Variants in MEGF6 observed in about 807,000 individuals in gnomAD.
MEGF6 encodes the protein multiple epidermal growth factor-like domains protein 6.
Under a neutral mutation model 207.1 loss-of-function variants are expected in MEGF6, and 184 were observed. The ratio of observed to expected loss-of-function variants is 0.89; its 90% CI spans 0.79 to 1.00. MEGF6 has a LOEUF of 1.00. Among genes scored for constraint, MEGF6 ranks in the 50% least tolerant of loss-of-function variants. MEGF6 has a pLI of 0.00. For synonymous variants in MEGF6, 1,038 were observed against 910.0 expected (o/e 1.14, Z -2.53); for missense variants, 2,282 against 2,202.9 (o/e 1.04, Z -0.72).
intron 2 of MEGF6, among the ~76,000 whole-genome samples, chr1:3,601,317 G>C (rs541959650): frequency 6.6e-6 from 1 of 152,374 alleles, no homozygotes; most frequent in East Asian, 1.9e-4. Flanking sequence ...TTCCCGCAGG[G>C]AAATCCACCT....
In MEGF6 at chr1:3,494,092, G is replaced by A. The variant is rs770264492; in HGVS notation, c.4162C>T (p.Gln1388Ter). ...CPPGFHGAGC[Q>*]GLCWCQHGAP... ...CCATGTTGACACCAGCACAACCCCT[G>A]GCAGCCAGCCCCGTGGAAGCCAGGG... is the stretch of plus-strand genomic sequence containing the variant. The change falls in exon 33 of 37, where the codon CAG (glutamine) becomes TAG (stop). Residue 1388 changes from glutamine (Q) to a stop codon, truncating the protein, a stop_gained. Transcript: ENST00000356575. LOFTEE classifies it high-confidence loss of function. 1.3e-6 allele frequency: 2 copies of A among 1,589,048 alleles called. No individual in the cohort carries two copies. The highest frequency in any genetic ancestry group is 2.3e-5 in the South Asian group (2 of 87,996).
At chr1:3,496,402 C>T (rs1161275537) in intron 29 of MEGF6, among the ~76,000 whole-genome samples, 9 of 152,252 alleles carry the variant, frequency 5.9e-5, no homozygotes, top group Non-Finnish European at 1.2e-4. Context: ...GCAGACATGG[C>T]GCAGGTCGCC....
chr1:3,571,609 A>G (rs1467476268), intron 4 of MEGF6, among the ~76,000 whole-genome samples: 2 of 147,914 alleles, frequency 1.4e-5, no homozygotes, highest in Non-Finnish European at 3.0e-5. Context: ...ATGCTGGGTC[A>G]TTTCCTGGTA....
At chr1:3,507,591 T>A (rs550325891) in intron 14 of MEGF6, among the ~76,000 whole-genome samples, 1 of 152,256 alleles carries the variant, frequency 6.6e-6, no homozygotes, top group African/African-American at 2.4e-5. Context: ...CCCCTCTCAT[T>A]CAAGGGCCTC....
chr1:3,509,192 G>C lies in MEGF6; in HGVS notation c.1411C>G (p.Leu471Val). Residue 471 changes from leucine to valine, a missense_variant, in exon 12 of 37, where the codon CTG becomes GTG. By Grantham distance (32) the Leu-to-Val change is conservative. Coordinates refer to ENST00000356575, the MANE Select transcript of MEGF6 (RefSeq NM_001409.4). ...TCCTGGAGCACGGCAATGTGGGGCA[G>C]GGGCCGCACGAAAGGCAGCTCGCCG... ...LDGELPFVRP[L>V]PHIAVLQDEL... 1 of 1,570,660 alleles carries C rather than the reference G, an allele frequency of 6.4e-7. No homozygotes were observed. The highest frequency in any genetic ancestry group is 1.4e-5 in the African/African-American group (1 of 73,190).
At chr1:3,577,264 A>C (rs1240612100) in intron 4 of MEGF6, among the ~76,000 whole-genome samples, 1 of 152,130 alleles carries the variant, frequency 6.6e-6, no homozygotes, top group African/African-American at 2.4e-5. Context: ...CCGCTACCCA[A>C]GGGCCACAAG....
intron 17 of MEGF6, among the ~76,000 whole-genome samples, chr1:3,504,752 G>A (rs1352202872): frequency 2.0e-5 from 3 of 152,086 alleles, no homozygotes; most frequent in African/African-American, 7.2e-5. Flanking sequence ...CACGTGCAGG[G>A]GCCTGCAGCC....
In MEGF6 at chr1:3,556,484, G is replaced by T. The variant is rs936500190; in HGVS notation, c.481+23341C>A. Among the ~76,000 whole-genome samples the T allele has an allele frequency of 6.6e-6, 1 of 152,194 alleles. No individual in the cohort carries two copies. Among genetic ancestry groups the T allele is most frequent in the Non-Finnish European group, 1.5e-5 (1 of 68,042 alleles). On this transcript the variant is annotated intron_variant, in intron 4 of 36. Transcript: ENST00000356575. The surrounding 1 kb of genome is among the most constrained non-coding windows in gnomAD (Gnocchi z 4.4). Reference sequence around the variant, plus strand: ...GAGAAACCTCGGCAAAGCAAGAGACGCCCTGGGCCTCCTCTCGGCCGCCCA... The same window carrying T: ...GAGAAACCTCGGCAAAGCAAGAGACTCCCTGGGCCTCCTCTCGGCCGCCCA...
chr1:3,498,274 G>A, intron 26 of MEGF6, 97 bp downstream of exon 26: 1 of 1,417,990 alleles, frequency 7.1e-7, no homozygotes, highest in South Asian at 1.4e-5. Context: ...CCCTGGTGAG[G>A]CCCCAAACCG....
intron 2 of MEGF6, among the ~76,000 whole-genome samples, chr1:3,598,489 C>T (rs1400358490): frequency 9.0e-6 from 1 of 110,982 alleles, no homozygotes; most frequent in East Asian, 3.4e-4. Flanking sequence ...TGGGCCTGTG[C>T]GTGGTAAATA....
At chr1:3,608,837 C>T (rs1644288037) in intron 1 of MEGF6, among the ~76,000 whole-genome samples, 1 of 152,204 alleles carries the variant, frequency 6.6e-6, no homozygotes, top group African/African-American at 2.4e-5. Context: ...GCCAGCCATC[C>T]TTCCTCATAG....
chr1:3,564,479 G>A (rs562623029), intron 4 of MEGF6, among the ~76,000 whole-genome samples: 5 of 151,990 alleles, frequency 3.3e-5, no homozygotes, highest in East Asian at 3.9e-4. Flanking sequence ...CCTAATACTC[G>A]TGTTCCTTCC....
chr1:3,509,710 G>C (rs1641261111), intron 11 of MEGF6, among the ~76,000 whole-genome samples, 160 bp downstream of exon 11: 1 of 152,342 alleles, frequency 6.6e-6, no homozygotes, highest in South Asian at 2.1e-4. Context: ...GGGTCCCCAA[G>C]GGCCCAAGAG....
At chr1:3,493,136 C>T in intron 34 of MEGF6, 1 of 284,862 alleles carries the variant, frequency 3.5e-6, no homozygotes. Context: ...GCAGCCCCAG[C>T]AGGTGAGCCC....
At chr1:3,548,784 C>G (rs1321980697) in intron 4 of MEGF6, among the ~76,000 whole-genome samples, 1 of 152,184 alleles carries the variant, frequency 6.6e-6, no homozygotes, top group Non-Finnish European at 1.5e-5. Flanking sequence ...GCACAGGTCC[C>G]CAGCACCGGG....
At chr1:3,557,526 G>A (rs774514790) in intron 4 of MEGF6, among the ~76,000 whole-genome samples, 12 of 152,202 alleles carry the variant, frequency 7.9e-5, no homozygotes, top group East Asian at 1.9e-4. Flanking sequence ...TTATCTCTGC[G>A]CCTGCAGCTC....
Position 3,494,417 on chromosome 1 carries a change from G to T in MEGF6, c.4083C>A (p.Gly1361=). 6.5e-7 allele frequency: 1 copy of T among 1,548,172 alleles called. No homozygotes were observed. ...AGAAGCCGGGGCCGCAGCGGCAGGT[G>T]CCCGTGGCAGGCTCACACGTGCTGT... ...HNNSTCEPAT[G]TCRCGPGFYG... The change falls in exon 32 of 37, where the codon GGC becomes GGA. Residue 1361 remains glycine, a synonymous_variant. Transcript: ENST00000356575.
intron 6 of MEGF6, among the ~76,000 whole-genome samples, 190 bp downstream of exon 6, chr1:3,515,212 C>T (rs991194532): frequency 1.3e-5 from 2 of 152,348 alleles, no homozygotes; most frequent in South Asian, 4.1e-4. Context: ...GGCAGCAAGC[C>T]TCAGGTGGGC....
chr1:3,617,436 C>G, the MEGF6 span, among the ~76,000 whole-genome samples: 2 of 152,050 alleles, frequency 1.3e-5, no homozygotes, highest in African/African-American at 4.8e-5. Flanking sequence ...ATGATGAGAA[C>G]ACATGGACAC....
Sources: gnomAD v4.1 joint callset for allele counts (sites outside exome capture counted in the v4.1 genomes callset) on GRCh38, gnomAD v4.1.1 for gene constraint, Gnocchi (gnomAD v3.1) non-coding constraint, MANE v1.5 for transcripts, NCBI Gene and HGNC (gene_info 2026-07-23, HGNC 2026-07-21) for gene names.